FAM168B: variants seen among roughly 807,000 people sequenced by gnomAD.
FAM168B encodes family with sequence similarity 168 member B, also known as myelin-associated neurite-outgrowth inhibitor.
A neutral mutation model predicts 21.8 loss-of-function variants in FAM168B; 19 were observed. The ratio of observed to expected loss-of-function variants is 0.87; its 90% CI spans 0.61 to 1.28. The LOEUF (loss-of-function observed/expected upper bound fraction) is 1.28, where lower values mean the gene tolerates loss of function less well. FAM168B is among the 50% of genes most tolerant of loss of function. The pLI, the probability that FAM168B is intolerant of heterozygous loss-of-function variation, is 0.00. For missense variants in FAM168B, 233 were observed against 263.1 expected (o/e 0.89, Z 0.79); for synonymous variants, 126 against 104.8 (o/e 1.20, Z -1.24).
intron 3 of FAM168B, among the ~76,000 whole-genome samples, chr2:131,067,369 G>A (rs1008448737): frequency 6.6e-6 from 1 of 152,152 alleles, no homozygotes; most frequent in African/African-American, 2.4e-5. Flanking sequence ...TTACAAAAGT[G>A]CTCTGGAAGT....
At chr2:131,082,552 T>C (rs1238527721) in intron 2 of FAM168B, 25 bp downstream of exon 2, 3 of 1,545,678 alleles carry the variant, frequency 1.9e-6, no homozygotes, top group Admixed American at 3.9e-5. Context: ...AGTTCAAAAA[T>C]GAAAACAAAA....
Position 131,055,648 on chromosome 2 carries a change from C to T in FAM168B, c.202G>A (p.Gly68Arg). 2.5e-6 allele frequency: 4 copies of T among 1,613,328 alleles called. No individual in the cohort carries two copies. Among genetic ancestry groups the T allele is most frequent in the Non-Finnish European group, 2.5e-6 (3 of 1,179,658 alleles). The change falls in exon 4 of 7, where the codon GGG becomes AGG. Residue 68 changes from glycine to arginine, a missense_variant. By Grantham distance (125) the Gly-to-Arg change is moderately radical. Coordinates refer to ENST00000389915, the MANE Select transcript of FAM168B (RefSeq NM_001009993.4). ...GAGGAGGAGTACGGTGGCACAGCCC[C>T]GCTGGTGGGGGAACAGGACACTTTG... ...PYKVSCSPTS[G>R]AVPPYSSSPN...
At chr2:131,087,606 G>A (rs1693780845) in intron 1 of FAM168B, among the ~76,000 whole-genome samples, 1 of 152,192 alleles carries the variant, frequency 6.6e-6, no homozygotes, top group African/African-American at 2.4e-5. Flanking sequence ...TGGAGCTTAG[G>A]CTCTATGTAG....
rs975801590 is a variant in FAM168B at position 131,070,113 on chromosome 2, T to A, written c.154+1742A>T. The stretch of plus-strand genomic sequence containing the variant: ...ACCTCATGATCCACCCGCCTCAGCC[T>A]CCCAAATTGCTGGGATTACAGACGT... On this transcript the variant is annotated intron_variant, in intron 3 of 6. Coordinates refer to ENST00000389915, the MANE Select transcript of FAM168B (RefSeq NM_001009993.4). 6.6e-5 allele frequency among the ~76,000 whole-genome samples: 10 copies of A among 152,002 alleles called. No homozygotes were observed. In the South Asian group the frequency reaches 2.1e-3, roughly 32 times the overall value.
rs1691720638 is a variant in FAM168B, at chr2:131,052,207, T to A, written c.*258A>T. ...CTAGATATGATTCAGAATAGATTAA[T>A]ACTCCCTTTTTATCATTACAGTTAG... On this transcript the variant is annotated 3_prime_UTR_variant, in exon 7 of 7. Transcript: ENST00000389915. The A allele has an allele frequency of 6.1e-6, 6 of 985,750 alleles. No individual in the cohort carries two copies. Among genetic ancestry groups the A allele is most frequent in the Non-Finnish European group, 7.2e-6 (6 of 829,956 alleles). The allele number at this position is 985,750 out of a possible 1,614,324, so 61.1% of individuals were successfully genotyped here.
At position 131,054,889 on chromosome 2, in the gene FAM168B, G is replaced by A. The variant is rs571008575; in HGVS notation, c.475+383C>T. Among the ~76,000 whole-genome samples, 8 of 152,212 alleles carry A rather than the reference G, an allele frequency of 5.3e-5. No individual in the cohort carries two copies. The South Asian group carries it at 1.7e-3, about 32-fold the overall frequency. ...CCTAGATGCATGAAAACATCCCGAT[G>A]AAGACAACTGACCTGCAAAGACAAG... On this transcript the variant is annotated intron_variant, in intron 5 of 6. Transcript: ENST00000389915.
chr2:131,090,151 C>CAAAAAAAA (rs59428455), intron 1 of FAM168B, among the ~76,000 whole-genome samples: 1 of 119,150 alleles, frequency 8.4e-6, no homozygotes, highest in South Asian at 2.8e-4. Context: ...ACCAAAAATA[C>CAAAAAAAA]AAAAAAAAAA....
intron 5 of FAM168B, 113 bp from the exon 6 acceptor site, chr2:131,053,128 G>T: frequency 7.2e-7 from 1 of 1,381,964 alleles, no homozygotes; most frequent in Non-Finnish European, 9.5e-7. Context: ...CAGGAAGAGG[G>T]ATAGTCTTGA....
chr2:131,089,717 CAA>C (rs1233775927), intron 1 of FAM168B, among the ~76,000 whole-genome samples: 23 of 97,226 alleles, frequency 2.4e-4, no homozygotes, highest in Admixed American at 3.6e-4. Flanking sequence ...GACTCCATCT[CAA>C]AAAAAAAAAA....
intron 3 of FAM168B, among the ~76,000 whole-genome samples, chr2:131,059,538 G>A (rs994800307): frequency 2.0e-5 from 3 of 152,172 alleles, no homozygotes; most frequent in East Asian, 1.9e-4. Flanking sequence ...CCTGAAAAGA[G>A]ATCCTCCCAG....
At chr2:131,057,698 A>G (rs752780053) in intron 3 of FAM168B, among the ~76,000 whole-genome samples, 2 of 152,230 alleles carry the variant, frequency 1.3e-5, no homozygotes, top group Non-Finnish European at 2.9e-5. Context: ...GTGAGCTGTA[A>G]TTATGCCTCT....
chr2:131,090,604 G>A (rs1240544120), intron 1 of FAM168B, among the ~76,000 whole-genome samples: 2 of 152,078 alleles, frequency 1.3e-5, no homozygotes, highest in Non-Finnish European at 2.9e-5. Context: ...GGTGGCAAGT[G>A]CCTGTAACAC....
In FAM168B at chr2:131,049,205, T is replaced by C. The variant is rs527662064; in HGVS notation, c.*3260A>G. ...TGTCCCCCAAGACACATGCAAATTA[T>C]TTCCTAGACCTCATTCATCACAGCC... On this transcript the variant is annotated 3_prime_UTR_variant, in exon 7 of 7. Coordinates refer to ENST00000389915, the MANE Select transcript of FAM168B (RefSeq NM_001009993.4). The C allele has an allele frequency of 2.0e-5, 20 of 985,308 alleles. No homozygotes were observed. The highest frequency in any genetic ancestry group is 2.2e-5 in the Non-Finnish European group (18 of 829,966). 61.0% of individuals were successfully genotyped at this position (985,308 alleles called of 1,614,324 possible). A position where few individuals can be genotyped will look rare whatever the true frequency, so the allele number is the denominator to read the frequency against.
intron 1 of FAM168B, among the ~76,000 whole-genome samples, chr2:131,092,235 C>T (rs1204727450): frequency 6.6e-6 from 1 of 151,886 alleles, no homozygotes; most frequent in African/African-American, 2.4e-5. Context: ...CGGAACTCCA[C>T]CAAAGTAAGC....
intron 2 of FAM168B, among the ~76,000 whole-genome samples, chr2:131,077,380 G>A (rs144111037): frequency 1.7e-3 from 266 of 152,284 alleles, no homozygotes; most frequent in Middle Eastern, 3.4e-3. Context: ...GGACCAGGCC[G>A]CTGGTGCCTC....
intron 1 of FAM168B, among the ~76,000 whole-genome samples, chr2:131,090,339 A>G (rs1055369277): frequency 1.4e-5 from 2 of 147,022 alleles, no homozygotes; most frequent in African/African-American, 2.6e-5. Flanking sequence ...AAAAAAAAAA[A>G]GAAAGAAAGA....
chr2:131,054,469 TG>T (rs886720760), intron 5 of FAM168B, among the ~76,000 whole-genome samples: 7 of 152,158 alleles, frequency 4.6e-5, no homozygotes, highest in African/African-American at 1.4e-4. Context: ...CAGATAAGTA[TG>T]GGGAAAACCA....
At chr2:131,059,237 C>T (rs1476769202) in intron 3 of FAM168B, among the ~76,000 whole-genome samples, 2 of 152,174 alleles carry the variant, frequency 1.3e-5, no homozygotes, top group African/African-American at 4.8e-5. Context: ...GGAAAACAAA[C>T]CACCAACATA....
intron 2 of FAM168B, among the ~76,000 whole-genome samples, chr2:131,078,614 G>A (rs1436949183): frequency 6.6e-6 from 1 of 152,162 alleles, no homozygotes; most frequent in East Asian, 1.9e-4. Context: ...TTACATCATG[G>A]TAAAAGCAAA....
Sources: allele counts gnomAD v4.1 joint callset (sites outside exome capture counted in the v4.1 genomes callset), GRCh38; gene constraint gnomAD v4.1.1; transcripts MANE v1.5; gene names NCBI Gene and HGNC (gene_info 2026-07-23, HGNC 2026-07-21).